Variants in DNAJC1 observed in about 807,000 individuals in gnomAD.
DNAJC1 encodes dnaJ homolog subfamily C member 1.
DNAJC1 carries 58 observed loss-of-function variants against 76.6 expected under a neutral mutation model. The observed-to-expected ratio is 0.76, with a 90% CI of 0.61 to 0.94. The LOEUF is 0.94. Among genes scored for constraint, DNAJC1 ranks in the 40% least tolerant of loss-of-function variants. The probability of loss-of-function intolerance (pLI) is 0.00; values close to 1 mark genes in which losing one functional copy is unlikely to be tolerated. For missense variants in DNAJC1, 689 were observed against 677.3 expected (o/e 1.02, Z -0.19); for synonymous variants, 258 against 267.9 (o/e 0.96, Z 0.36).
chr10:21,855,071 C>T (rs1835813332), intron 8 of DNAJC1, among the ~76,000 whole-genome samples: 1 of 152,044 alleles, frequency 6.6e-6, no homozygotes, highest in Non-Finnish European at 1.5e-5. Flanking sequence ...TAAGATCTGA[C>T]TTTTTTTGTA....
chr10:21,825,679 T>C (rs1394330846), intron 8 of DNAJC1, among the ~76,000 whole-genome samples: 1 of 152,228 alleles, frequency 6.6e-6, no homozygotes, highest in Non-Finnish European at 1.5e-5. Flanking sequence ...TCTCCATGCC[T>C]TCACATTTCT....
At chr10:21,853,040 T>C (rs553817499) in intron 8 of DNAJC1, among the ~76,000 whole-genome samples, 1 of 152,144 alleles carries the variant, frequency 6.6e-6, no homozygotes, top group African/African-American at 2.4e-5. Context: ...TACTTTCACC[T>C]TTACAAAACA....
At chr10:21,943,718 C>T (rs1401901521) in intron 1 of DNAJC1, among the ~76,000 whole-genome samples, 2 of 152,180 alleles carry the variant, frequency 1.3e-5, no homozygotes, top group African/African-American at 2.4e-5. Flanking sequence ...TAGCTCTACC[C>T]TTGAAAGTCA....
At chr10:21,756,851 C>T (rs1280674554) in intron 11 of DNAJC1, 96 bp from the exon 12 acceptor site, 4 of 1,145,496 alleles carry the variant, frequency 3.5e-6, no homozygotes, top group South Asian at 1.3e-5. Context: ...CATGAAGAGC[C>T]TCACGTCCAG....
At chr10:21,850,757 TC>T (rs1469624068) in intron 8 of DNAJC1, among the ~76,000 whole-genome samples, 1 of 152,068 alleles carries the variant, frequency 6.6e-6, no homozygotes, top group African/African-American at 2.4e-5. Context: ...AATTCACACT[TC>T]CTGATTTGAA....
chr10:21,772,179 A>G (rs777846764), intron 9 of DNAJC1, among the ~76,000 whole-genome samples: 18 of 151,792 alleles, frequency 1.2e-4, no homozygotes, highest in Non-Finnish European at 2.2e-4. Flanking sequence ...ATTTATAAAA[A>G]CATTGGTCTG....
At chr10:21,833,187 T>C (rs908254942) in intron 8 of DNAJC1, among the ~76,000 whole-genome samples, 1 of 152,166 alleles carries the variant, frequency 6.6e-6, no homozygotes, top group Non-Finnish European at 1.5e-5. Flanking sequence ...GAGCATGAGT[T>C]CTGGCTGGGC....
chr10:21,881,951 A>G (rs1836287722), intron 8 of DNAJC1, among the ~76,000 whole-genome samples: 1 of 151,922 alleles, frequency 6.6e-6, no homozygotes, highest in Admixed American at 6.6e-5. Context: ...TCAGAAGATC[A>G]AAACCATCCT....
chr10:22,002,559 T>C lies in DNAJC1; in HGVS notation c.222+654A>G, dbSNP rs868690454. 3.9e-5 allele frequency among the ~76,000 whole-genome samples: 6 copies of C among 152,188 alleles called. No individual in the cohort carries two copies. In the South Asian group the frequency reaches 6.2e-4, roughly 16 times the overall value. On this transcript the variant is annotated intron_variant, in intron 1 of 11. Coordinates refer to ENST00000376980, the MANE Select transcript of DNAJC1 (RefSeq NM_022365.4). ...CCAAGTCCTTTGCTGCTCAAAAAAC[T>C]TAACACCTCCAACCTGGTTAGACGC...
chr10:21,937,732 TA>T (rs1487989993), intron 1 of DNAJC1, among the ~76,000 whole-genome samples: 1 of 152,108 alleles, frequency 6.6e-6, no homozygotes, highest in African/African-American at 2.4e-5. Flanking sequence ...TTGGTCTCAA[TA>T]AATTTAAAAA....
intron 3 of DNAJC1, among the ~76,000 whole-genome samples, chr10:21,926,683 T>C (rs1837134232): frequency 6.6e-6 from 1 of 152,216 alleles, no homozygotes; most frequent in African/African-American, 2.4e-5. Flanking sequence ...GAGTGATTCT[T>C]AGCTTCATTA....
chr10:21,822,545 C>A (rs73594512), intron 8 of DNAJC1, among the ~76,000 whole-genome samples: 1,943 of 151,984 alleles, frequency 0.013, 42 homozygotes, highest in African/African-American at 0.044. Flanking sequence ...AAACTGAGAC[C>A]TACAAAACTT....
At chr10:21,904,407 G>GA (rs80315655) in intron 7 of DNAJC1, 115 bp downstream of exon 7, 35,365 of 490,586 alleles carry the variant, frequency 0.072, 1 homozygote, top group East Asian at 0.097. Flanking sequence ...TAGGGAGTGG[G>GA]AAAAAAAAAA....
At chr10:21,914,967 T>C (rs1836927710) in intron 6 of DNAJC1, among the ~76,000 whole-genome samples, 1 of 152,200 alleles carries the variant, frequency 6.6e-6, no homozygotes, top group Non-Finnish European at 1.5e-5. Flanking sequence ...TACCGTATTG[T>C]AGAATGGTTA....
At chr10:21,908,255 ATATATATATATATTTTAT>A (rs1269615202) in intron 6 of DNAJC1, among the ~76,000 whole-genome samples, 2 of 109,432 alleles carry the variant, frequency 1.8e-5, no homozygotes, top group East Asian at 2.4e-4. Flanking sequence ...TATAGAGAAA[ATATATATATATATTTTAT>A]ATATATATAT....
At chr10:21,832,797 C>T (rs1835382083) in intron 8 of DNAJC1, among the ~76,000 whole-genome samples, 1 of 152,186 alleles carries the variant, frequency 6.6e-6, no homozygotes, top group Non-Finnish European at 1.5e-5. Context: ...AACATCACTT[C>T]ACCTTCTGTA....
chr10:21,770,457 G>A (rs1200979282), intron 9 of DNAJC1, among the ~76,000 whole-genome samples: 1 of 147,888 alleles, frequency 6.8e-6, no homozygotes, highest in Non-Finnish European at 1.5e-5. Flanking sequence ...GAGTGCAGTG[G>A]CACGATCTCG....
At chr10:21,891,127 T>C (rs866045970) in intron 7 of DNAJC1, among the ~76,000 whole-genome samples, 1 of 151,836 alleles carries the variant, frequency 6.6e-6, no homozygotes, top group African/African-American at 2.4e-5. Flanking sequence ...GAGGCGGAGG[T>C]TGCAGTGAGC....
chr10:21,920,562 T>G, intron 4 of DNAJC1: 2 of 314,890 alleles, frequency 6.4e-6, no homozygotes, highest in Non-Finnish European at 1.1e-5. Context: ...AGCTAGATAT[T>G]TGGGCTTTCA....
Sources: gnomAD v4.1 joint callset for allele counts (sites outside exome capture counted in the v4.1 genomes callset) on GRCh38, gnomAD v4.1.1 for gene constraint, MANE v1.5 for transcripts, NCBI Gene and HGNC (gene_info 2026-07-23, HGNC 2026-07-21) for gene names.